Variants in DIPK1A observed in about 807,000 individuals in gnomAD.
DIPK1A encodes family with sequence similarity 69 member A.
In DIPK1A, 27 loss-of-function variants were observed where a neutral mutation model predicts 40.8. The observed-to-expected ratio is 0.66, with a 90% CI of 0.49 to 0.91. The LOEUF (loss-of-function observed/expected upper bound fraction) is 0.91. Ranked by LOEUF, DIPK1A falls within the 40% of genes least tolerant of loss-of-function variation. The pLI is 0.00. For synonymous variants in DIPK1A, 166 were observed against 171.3 expected, an observed-to-expected ratio of 0.97 and a Z score of 0.24; for missense variants, 412 against 505.7, an observed-to-expected ratio of 0.81 and a Z score of 1.78.
chr1:92,938,847 T>C (rs17131671), intron 1 of DIPK1A, among the ~76,000 whole-genome samples: 2,639 of 152,330 alleles, frequency 0.017, 61 homozygotes, highest in African/African-American at 0.055. Context: ...ACTTGAAATC[T>C]CATGCTAAAG....
chr1:92,887,820 C>T (rs1648682858), intron 1 of DIPK1A, among the ~76,000 whole-genome samples: 1 of 152,102 alleles, frequency 6.6e-6, no homozygotes, highest in Non-Finnish European at 1.5e-5. Context: ...ATAAGCAAGG[C>T]CATACTAGTC....
intron 1 of DIPK1A, chr1:92,930,660 G>C (rs772594551): frequency 3.3e-5 from 5 of 152,120 alleles, no homozygotes; most frequent in Non-Finnish European, 7.3e-5. Flanking sequence ...TTTTGCGAAG[G>C]AAAGAACTTT....
intron 1 of DIPK1A, among the ~76,000 whole-genome samples, chr1:92,886,846 G>T (rs963199859): frequency 6.6e-6 from 1 of 151,876 alleles, no homozygotes; most frequent in Non-Finnish European, 1.5e-5. Context: ...TAGCTTATTG[G>T]AACACAGTTA....
chr1:92,851,542 C>CAAAAAA (rs59664439), intron 2 of DIPK1A, among the ~76,000 whole-genome samples: 9,673 of 34,440 alleles, frequency 0.28, 2,770 homozygotes, highest in Non-Finnish European at 0.3. Flanking sequence ...GACCCTATCT[C>CAAAAAA]AAAAAAAAAA....
chr1:92,841,051 GCAA>G (rs1299445385), downstream of DIPK1A, among the ~76,000 whole-genome samples: 10 of 152,120 alleles, frequency 6.6e-5, no homozygotes, highest in African/African-American at 1.4e-4. Flanking sequence ...ACACTTTGTG[GCAA>G]CAACATTTGA....
At chr1:92,850,759 G>T in intron 3 of DIPK1A, 89 bp downstream of exon 3, 1 of 746,824 alleles carries the variant, frequency 1.3e-6, no homozygotes. Context: ...TCAAAGCTTT[G>T]GTTCAAGAAT....
At chr1:92,835,284 T>C (rs145971025) in intron 4 of DIPK1A, 105 of 349,200 alleles carry the variant, frequency 3.0e-4, no homozygotes, top group African/African-American at 2.1e-3. Context: ...TGCAGACTCG[T>C]GGGAACTCCA....
chr1:92,958,594 A>T (rs1364354541), intron 1 of DIPK1A, among the ~76,000 whole-genome samples: 4 of 152,188 alleles, frequency 2.6e-5, no homozygotes, highest in Admixed American at 2.0e-4. Context: ...CTGAATAGTT[A>T]TACCCTCACT....
At chr1:92,888,884 C>G (rs969654629) in intron 1 of DIPK1A, among the ~76,000 whole-genome samples, 1 of 152,024 alleles carries the variant, frequency 6.6e-6, no homozygotes, top group Non-Finnish European at 1.5e-5. Context: ...TGTTGGTTTG[C>G]TGTTGAGCTC....
At chr1:92,926,588 C>T (rs1394593441) in intron 1 of DIPK1A, among the ~76,000 whole-genome samples, 3 of 152,156 alleles carry the variant, frequency 2.0e-5, no homozygotes. Context: ...AGTTGTTCTA[C>T]TAATTGCTCT....
intron 1 of DIPK1A, among the ~76,000 whole-genome samples, chr1:92,935,567 C>A (rs996362345): frequency 3.3e-5 from 5 of 152,100 alleles, no homozygotes; most frequent in African/African-American, 1.2e-4. Flanking sequence ...GCTATCCCTG[C>A]TACTGACTAG....
chr1:92,836,746 A>G (rs1194383531), intron 4 of DIPK1A: 2 of 242,184 alleles, frequency 8.3e-6, no homozygotes, highest in Non-Finnish European at 1.6e-5. Flanking sequence ...GATTTACTGA[A>G]TTATGCAAAA....
Position 92,842,875 on chromosome 1 carries a change from C to T in DIPK1A, c.*508G>A, listed in dbSNP as rs1371485915. 2.0e-6 allele frequency: 2 copies of T among 986,216 alleles called. No individual in the cohort carries two copies. Among genetic ancestry groups the T allele is most frequent in the East Asian group, 2.3e-4 (2 of 8,830 alleles). 61.1% of individuals were successfully genotyped at this position (986,216 alleles called of 1,614,324 possible). A position where few individuals can be genotyped will look rare whatever the true frequency, so the allele number is the denominator to read the frequency against. On this transcript the variant is annotated 3_prime_UTR_variant, in exon 5 of 5. Coordinates refer to ENST00000370310, the MANE Select transcript of DIPK1A (RefSeq NM_001006605.5). ...AAAATGGGTGTATAAGTCTTTAATACAGTAAACCATGCTATTAACCCAACA... is the reference window on the plus strand; with the variant it reads ...AAAATGGGTGTATAAGTCTTTAATATAGTAAACCATGCTATTAACCCAACA...
intron 1 of DIPK1A, among the ~76,000 whole-genome samples, chr1:92,924,815 T>C (rs1384277011): frequency 6.6e-6 from 1 of 152,242 alleles, no homozygotes; most frequent in African/African-American, 2.4e-5. Context: ...TGTTTGATCA[T>C]ATAGCTTCCA....
intron 1 of DIPK1A, among the ~76,000 whole-genome samples, chr1:92,902,523 A>T (rs754917454): frequency 6.6e-6 from 1 of 152,142 alleles, no homozygotes; most frequent in Non-Finnish European, 1.5e-5. Context: ...CACAGTGTCT[A>T]CTTCTTCATC....
intron 1 of DIPK1A, among the ~76,000 whole-genome samples, chr1:92,912,601 C>A (rs1401902337): frequency 6.6e-6 from 1 of 152,106 alleles, no homozygotes; most frequent in Non-Finnish European, 1.5e-5. Context: ...GACCCACATA[C>A]CCTCTTATCC....
chr1:92,841,493 T>C (rs2100699367), downstream of DIPK1A, among the ~76,000 whole-genome samples: 1 of 152,258 alleles, frequency 6.6e-6, no homozygotes, highest in East Asian at 1.9e-4. Context: ...TTCAAAACAT[T>C]TGGGCAAATA....
intron 3 of DIPK1A, among the ~76,000 whole-genome samples, chr1:92,848,577 C>G (rs75362456): frequency 6.6e-6 from 1 of 152,186 alleles, no homozygotes; most frequent in African/African-American, 2.4e-5. Flanking sequence ...TCCCTGACCC[C>G]CTGTCTAGAA....
chr1:92,840,701 C>A, downstream of DIPK1A: 1 of 1,200,196 alleles, frequency 8.3e-7, no homozygotes, highest in Non-Finnish European at 1.2e-6. Flanking sequence ...CCACGTGGGG[C>A]AGACTGTTGG....
Sources: allele counts gnomAD v4.1 joint callset (sites outside exome capture counted in the v4.1 genomes callset), GRCh38; gene constraint gnomAD v4.1.1; transcripts MANE v1.5; gene names NCBI Gene and HGNC (gene_info 2026-07-23, HGNC 2026-07-21).